The following CRYM variants were observed in gnomAD, a reference collection of about 807,000 sequenced individuals.
CRYM encodes the protein ketimine reductase mu-crystallin.
In CRYM, 18 loss-of-function variants were observed where a neutral mutation model predicts 32.9. The ratio of observed to expected loss-of-function variants is 0.55; its 90% CI spans 0.38 to 0.81. The LOEUF is 0.81. CRYM is among the 30% of genes least tolerant of loss of function. The pLI, the probability that CRYM is intolerant of heterozygous loss-of-function variation, is 0.00. For missense variants in CRYM, 337 were observed against 393.5 expected, an observed-to-expected ratio of 0.86 and a Z score of 1.21; for synonymous variants, 153 against 152.4, an observed-to-expected ratio of 1.00 and a Z score of -0.03.
At chr16:21,271,778 C>T (rs1046598185) in intron 3 of CRYM, among the ~76,000 whole-genome samples, 1 of 152,134 alleles carries the variant, frequency 6.6e-6, no homozygotes, top group Non-Finnish European at 1.5e-5. Context: ...CCTTCAACTT[C>T]CTAAACTAAA....
At chr16:21,278,432 C>A, upstream of CRYM, 1 of 700,542 alleles carries the variant, frequency 1.4e-6, no homozygotes, top group Non-Finnish European at 2.4e-6. Context: ...CCCACCTCGA[C>A]CCCTAAGGGT....
At chr16:21,274,271 C>A (rs1181449276) in intron 3 of CRYM, among the ~76,000 whole-genome samples, 1 of 152,194 alleles carries the variant, frequency 6.6e-6, no homozygotes, top group Non-Finnish European at 1.5e-5. Flanking sequence ...TCATCACCCC[C>A]ATTGCTTACT....
At chr16:21,264,735 A>C (rs1159036846) in intron 5 of CRYM, among the ~76,000 whole-genome samples, 4 of 152,168 alleles carry the variant, frequency 2.6e-5, no homozygotes, top group African/African-American at 9.7e-5. Context: ...AATGATTCCA[A>C]GTGAGAGAGG....
intron 3 of CRYM, among the ~76,000 whole-genome samples, chr16:21,275,261 C>T (rs1433273909): frequency 6.6e-6 from 1 of 152,170 alleles, no homozygotes; most frequent in Admixed American, 6.5e-5. Flanking sequence ...ATTCCTTGAC[C>T]TGGAAGGTGG....
At chr16:21,293,060 A>C (rs1172651541) in intron 1 of CRYM, among the ~76,000 whole-genome samples, 1 of 120,198 alleles carries the variant, frequency 8.3e-6, no homozygotes, top group Non-Finnish European at 1.7e-5. Context: ...GATAGATAGA[A>C]TAAGATACAG....
chr16:21,285,092 C>T (rs895440580), intron 1 of CRYM, among the ~76,000 whole-genome samples: 8 of 151,982 alleles, frequency 5.3e-5, no homozygotes, highest in African/African-American at 1.9e-4. Flanking sequence ...ATGTTTGTTC[C>T]TTTTGCCCAT....
chr16:21,287,671 A>C (rs1195493659), intron 1 of CRYM, among the ~76,000 whole-genome samples: 1 of 152,234 alleles, frequency 6.6e-6, no homozygotes, highest in African/African-American at 2.4e-5. Context: ...GTCTTGATAC[A>C]AACTCTTGAA....
chr16:21,265,029 G>A (rs932201005), intron 5 of CRYM, among the ~76,000 whole-genome samples: 4 of 152,084 alleles, frequency 2.6e-5, no homozygotes, highest in Admixed American at 2.0e-4. Context: ...CGGGAACTGT[G>A]AGATGATAAT....
At chr16:21,282,689 C>G (rs2093400273), upstream of CRYM, among the ~76,000 whole-genome samples, 1 of 152,018 alleles carries the variant, frequency 6.6e-6, no homozygotes, top group African/African-American at 2.4e-5. Context: ...GGAATTCACT[C>G]CAGTGAATCC....
chr16:21,297,858 A>G (rs1960820474), intron 1 of CRYM, among the ~76,000 whole-genome samples: 1 of 152,264 alleles, frequency 6.6e-6, no homozygotes, highest in African/African-American at 2.4e-5. Context: ...GCTAACAAGC[A>G]AAATCCAACT....
chr16:21,265,818 T>C (rs1227373124), intron 5 of CRYM, among the ~76,000 whole-genome samples: 1 of 152,220 alleles, frequency 6.6e-6, no homozygotes, highest in Non-Finnish European at 1.5e-5. Context: ...ATTTGCCTGC[T>C]CTGCTCACCA....
intron 5 of CRYM, 97 bp from the exon 6 acceptor site, chr16:21,262,255 A>G: frequency 2.0e-6 from 3 of 1,487,510 alleles, no homozygotes; most frequent in Non-Finnish European, 2.8e-6. Context: ...GGACTCGTGA[A>G]CACACTCAGA....
At chr16:21,264,576 G>T (rs80110093) in intron 5 of CRYM, among the ~76,000 whole-genome samples, 2 of 152,152 alleles carry the variant, frequency 1.3e-5, no homozygotes, top group African/African-American at 4.8e-5. Context: ...AGTAAAATCT[G>T]TTGTTGGTAT....
chr16:21,262,904 C>A (rs773032969), intron 5 of CRYM, among the ~76,000 whole-genome samples: 18 of 152,248 alleles, frequency 1.2e-4, no homozygotes, highest in Non-Finnish European at 2.2e-4. Flanking sequence ...TAGGCGCTCA[C>A]ACCTCTTCTG....
At position 21,267,584 on chromosome 16, in the gene CRYM, C is replaced by A; in HGVS notation, c.643G>T (p.Glu215Ter). 1 of 1,614,110 alleles carries A rather than the reference C, an allele frequency of 6.2e-7. No homozygotes were observed. The highest frequency in any genetic ancestry group is 8.5e-7 in the Non-Finnish European group (1 of 1,180,030). ...ATGTGAGCCCCTGGCTTCACCCATT[C>A]ACCAAACAAAATGGGCTCTGTTGCC... ...TLATEPILFG[E>*]WVKPGAHINA... is the part of the protein sequence containing the mutation. Residue 215 changes from glutamate to a stop codon, truncating the protein, a stop_gained, in exon 5 of 8, where the codon GAA becomes TAA. Coordinates refer to ENST00000572914, the MANE Select transcript of CRYM (RefSeq NM_001376256.1). LOFTEE classifies it high-confidence loss of function.
At position 21,269,723 on chromosome 16, in the gene CRYM, A is replaced by G. The variant is rs2093370996; in HGVS notation, c.489+67T>C. The G allele has an allele frequency of 1.7e-5, 17 of 1,020,942 alleles. 1 individual carries two copies. The South Asian group carries it at 2.0e-4, about 12-fold the overall frequency. 63.2% of individuals were successfully genotyped at this position (1,020,942 alleles called of 1,614,324 possible). A position where few individuals can be genotyped will look rare whatever the true frequency, so the allele number is the denominator to read the frequency against. The stretch of plus-strand genomic sequence containing the variant: ...TTTCAGAATAACCTGTGGTGCAGTG[A>G]AGCAGTATAGACAGGTCAAGGACCA... On this transcript the variant is annotated intron_variant, in intron 4 of 7. Transcript: ENST00000572914.
intron 1 of CRYM, among the ~76,000 whole-genome samples, chr16:21,296,689 G>A (rs1220104074): frequency 2.0e-5 from 3 of 152,178 alleles, no homozygotes; most frequent in Non-Finnish European, 4.4e-5. Context: ...GTAACAAGAA[G>A]GTCTTATGCC....
intron 1 of CRYM, among the ~76,000 whole-genome samples, chr16:21,294,656 T>C (rs576318300): frequency 7.9e-4 from 120 of 152,022 alleles, no homozygotes; most frequent in Non-Finnish European, 6.2e-4. Flanking sequence ...TTCAGCTTCA[T>C]CCATGTCCCT....
Position 21,269,776 on chromosome 16 carries a change from A to AC in CRYM, c.489+13dup. On this transcript the variant is annotated intron_variant, in intron 4 of 7. Coordinates refer to ENST00000572914, the MANE Select transcript of CRYM (RefSeq NM_001376256.1). The stretch of plus-strand genomic sequence containing the variant: ...CCCTTCCCTCTTCTCTCCCACCCCC[A>AC]CCCCTGGACTTACCTCCTTAAAGGA... 1.7e-5 allele frequency: 7 copies of AC among 416,550 alleles called. No homozygotes were observed. The highest frequency in any genetic ancestry group is 3.0e-5 in the Admixed American group (1 of 32,806). The allele number at this position is 416,550 out of a possible 1,614,324, so 25.8% of individuals were successfully genotyped here.
Sources: gnomAD v4.1 joint callset for allele counts (sites outside exome capture counted in the v4.1 genomes callset) on GRCh38, gnomAD v4.1.1 for gene constraint, MANE v1.5 for transcripts, NCBI Gene and HGNC (gene_info 2026-07-23, HGNC 2026-07-21) for gene names.